PHLDB2: variants seen among roughly 807,000 people sequenced by gnomAD.
The protein encoded by PHLDB2 is pleckstrin homology like domain family B member 2.
PHLDB2 carries 71 observed loss-of-function variants against 123.6 expected under a neutral mutation model. That is an observed-to-expected ratio of 0.57 (90% CI 0.47 to 0.70). The LOEUF is 0.70. Among genes scored for constraint, PHLDB2 ranks in the 30% least tolerant of loss-of-function variants. The pLI is 0.00. For missense variants in PHLDB2, 1,446 were observed against 1,519.5 expected (o/e 0.95, Z 0.80); for synonymous variants, 547 against 541.6 (o/e 1.01, Z -0.14).
At chr3:111,834,209 G>GAATTATATATA (rs2063257613) in intron 1 of PHLDB2, among the ~76,000 whole-genome samples, 2 of 29,614 alleles carry the variant, frequency 6.8e-5, no homozygotes, top group Non-Finnish European at 1.6e-4. Context: ...AATTATATAT[G>GAATTATATATA]TAATAGAATT....
chr3:111,761,719 G>T (rs1334595642), intron 1 of PHLDB2, among the ~76,000 whole-genome samples: 1 of 152,160 alleles, frequency 6.6e-6, no homozygotes, highest in African/African-American at 2.4e-5. Flanking sequence ...TGGGGCAAGA[G>T]AATTTTTAGC....
chr3:111,938,286 G>T (rs180951395), intron 6 of PHLDB2, among the ~76,000 whole-genome samples: 1 of 152,130 alleles, frequency 6.6e-6, no homozygotes, highest in Admixed American at 6.6e-5. Flanking sequence ...CCCTGCACAT[G>T]CGTAGGCTCC....
intron 1 of PHLDB2, among the ~76,000 whole-genome samples, chr3:111,821,234 A>C (rs2062363232): frequency 6.6e-6 from 1 of 152,234 alleles, no homozygotes; most frequent in African/African-American, 2.4e-5. Flanking sequence ...TGGTCAGACC[A>C]GGCTCATTGT....
intron 2 of PHLDB2, chr3:111,846,189 A>T (rs1417962853): frequency 5.2e-6 from 2 of 381,898 alleles, no homozygotes; most frequent in East Asian, 9.7e-5. Flanking sequence ...GGAAGACCCA[A>T]GCAGCTGGTG....
intron 6 of PHLDB2, among the ~76,000 whole-genome samples, chr3:111,935,854 T>A (rs902651828): frequency 1.3e-5 from 2 of 152,192 alleles, no homozygotes; most frequent in African/African-American, 4.8e-5. Flanking sequence ...CCGACTCAAA[T>A]GTTAATCTTT....
chr3:111,753,039 ACT>A (rs1228123204), intron 1 of PHLDB2, among the ~76,000 whole-genome samples: 1 of 151,350 alleles, frequency 6.6e-6, no homozygotes, highest in African/African-American at 2.4e-5. Context: ...TTCTTAATCC[ACT>A]CTATCATTGT....
chr3:111,801,642 T>C (rs12497791), intron 1 of PHLDB2, among the ~76,000 whole-genome samples: 4,863 of 152,192 alleles, frequency 0.032, 147 homozygotes, highest in Admixed American at 0.092. Context: ...TAAGCTACAA[T>C]TGAGTATTAT....
At chr3:111,753,828 A>G (rs2059830666) in intron 1 of PHLDB2, among the ~76,000 whole-genome samples, 1 of 152,158 alleles carries the variant, frequency 6.6e-6, no homozygotes, top group African/African-American at 2.4e-5. Flanking sequence ...ATTTTTGTAT[A>G]TGGTGTAAGG....
At chr3:111,766,350 GA>G (rs371342907) in intron 1 of PHLDB2, among the ~76,000 whole-genome samples, 54 of 148,994 alleles carry the variant, frequency 3.6e-4, no homozygotes, top group African/African-American at 1.2e-3. Flanking sequence ...GGCTGAGGCA[GA>G]AAAATCGTTT....
chr3:111,947,618 C>T (rs908681249), intron 9 of PHLDB2, among the ~76,000 whole-genome samples: 1 of 152,110 alleles, frequency 6.6e-6, no homozygotes, highest in African/African-American at 2.4e-5. Flanking sequence ...TCAAAACAGT[C>T]GACTATTAAC....
intron 3 of PHLDB2, among the ~76,000 whole-genome samples, chr3:111,918,752 A>G (rs1443105196): frequency 6.6e-6 from 1 of 152,122 alleles, no homozygotes; most frequent in Admixed American, 6.6e-5. Flanking sequence ...TTTCTCTATA[A>G]CCTTGGAGAA....
At chr3:111,797,156 A>G in intron 1 of PHLDB2, among the ~76,000 whole-genome samples, 1 of 152,276 alleles carries the variant, frequency 6.6e-6, no homozygotes, top group African/African-American at 2.4e-5. Flanking sequence ...TTAGTTTCTC[A>G]TTATATTTAC....
At chr3:111,936,629 T>C (rs1393379579) in intron 6 of PHLDB2, among the ~76,000 whole-genome samples, 1 of 152,192 alleles carries the variant, frequency 6.6e-6, no homozygotes, top group Non-Finnish European at 1.5e-5. Flanking sequence ...GTTTAAGTAT[T>C]TACTACAAAT....
At chr3:111,825,660 C>T (rs1457543750) in intron 1 of PHLDB2, among the ~76,000 whole-genome samples, 2 of 152,210 alleles carry the variant, frequency 1.3e-5, no homozygotes, top group Non-Finnish European at 2.9e-5. Flanking sequence ...GTTGGCCAGA[C>T]TGGTTTCAAA....
chr3:111,836,018 G>A (rs997239453), intron 1 of PHLDB2, among the ~76,000 whole-genome samples: 16 of 152,168 alleles, frequency 1.1e-4, no homozygotes, highest in African/African-American at 2.9e-4. Context: ...ATGGTGGCAT[G>A]AGCATGTAAG....
intron 1 of PHLDB2, among the ~76,000 whole-genome samples, chr3:111,877,110 G>T (rs559069806): frequency 6.6e-5 from 10 of 152,282 alleles, no homozygotes; most frequent in African/African-American, 1.7e-4. Context: ...GGGTCAAATG[G>T]TATTTCTAGT....
chr3:111,834,242 AGAAT>A (rs1427913279), intron 1 of PHLDB2, among the ~76,000 whole-genome samples: 4 of 93,090 alleles, frequency 4.3e-5, no homozygotes, highest in Non-Finnish European at 6.7e-5. Flanking sequence ...TGTATATAAT[AGAAT>A]TATATATATA....
At chr3:111,776,272 G>T (rs978137265) in intron 1 of PHLDB2, among the ~76,000 whole-genome samples, 2 of 152,064 alleles carry the variant, frequency 1.3e-5, no homozygotes, top group Non-Finnish European at 2.9e-5. Context: ...TCAATCAAGT[G>T]GCACTAGGGG....
chr3:111,823,994 T>C (rs2108423315), intron 1 of PHLDB2, among the ~76,000 whole-genome samples: 1 of 152,304 alleles, frequency 6.6e-6, no homozygotes. Context: ...CTTTCCTCTA[T>C]TAAGAGTGAG....
Sources: allele counts gnomAD v4.1 joint callset (sites outside exome capture counted in the v4.1 genomes callset), GRCh38; gene constraint gnomAD v4.1.1; transcripts MANE v1.5; gene names NCBI Gene and HGNC (gene_info 2026-07-23, HGNC 2026-07-21).